Variants in ANKRD44 observed in about 807,000 individuals in gnomAD.
The protein encoded by ANKRD44 is ankyrin repeat domain 44.
In ANKRD44, 35 loss-of-function variants were observed where a neutral mutation model predicts 116.0. The observed-to-expected ratio is 0.30, with a 90% CI of 0.23 to 0.40. ANKRD44 has a LOEUF of 0.40. ANKRD44 is among the 10% of genes least tolerant of loss of function. The probability of loss-of-function intolerance (pLI) is 1.00; values close to 1 mark genes in which losing one functional copy is unlikely to be tolerated. For synonymous variants in ANKRD44, 435 were observed against 461.8 expected (o/e 0.94, Z 0.74); for missense variants, 1,014 against 1,242.6 (o/e 0.82, Z 2.77).
chr2:197,228,162 T>C (rs1308004320), intron 1 of ANKRD44, among the ~76,000 whole-genome samples: 1 of 152,206 alleles, frequency 6.6e-6, no homozygotes, highest in Non-Finnish European at 1.5e-5. Flanking sequence ...TTTGACAAGG[T>C]TGACATTAGA....
chr2:197,242,434 T>G (rs1452545567), intron 1 of ANKRD44, among the ~76,000 whole-genome samples: 2 of 152,168 alleles, frequency 1.3e-5, no homozygotes, highest in East Asian at 3.8e-4. Flanking sequence ...ACATTTCCAG[T>G]TATACCAGGT....
downstream of ANKRD44, among the ~76,000 whole-genome samples, chr2:196,983,480 C>A (rs1375880440): frequency 1.3e-5 from 2 of 152,298 alleles, no homozygotes; most frequent in Non-Finnish European, 2.9e-5. Flanking sequence ...GTTCTCTCCT[C>A]TGATCTTTGC....
chr2:196,998,438 A>G lies in ANKRD44; in HGVS notation c.2666-19T>C. On this transcript the variant is annotated intron_variant, in intron 24 of 27. Transcript: ENST00000282272. ...AAAATATCTGTAGAAAAAGCCCAAA[A>G]GAGGGTTACTTAGATGAGATGCTAA... 2 of 1,598,592 alleles carry G rather than the reference A, an allele frequency of 1.3e-6. No homozygotes were observed. Among genetic ancestry groups the G allele is most frequent in the Non-Finnish European group, 8.6e-7 (1 of 1,166,644 alleles).
chr2:196,975,546 G>A (rs925216985), intron 21 of ANKRD44, among the ~76,000 whole-genome samples: 11 of 151,938 alleles, frequency 7.2e-5, no homozygotes, highest in African/African-American at 2.7e-4. Context: ...CACTTCGGGA[G>A]GCCGAGGTAG....
chr2:197,078,695 C>A lies in ANKRD44; in HGVS notation c.1650+8G>T, dbSNP rs1559044801. The A allele has an allele frequency of 6.2e-7, 1 of 1,607,702 alleles. No individual in the cohort carries two copies. On this transcript the variant is annotated splice_region_variant and intron_variant, in intron 16 of 27. Coordinates refer to ENST00000282272, the MANE Select transcript of ANKRD44 (RefSeq NM_001195144.2). ...GTGTGTTAGAGAAAACAAAACAAAA[C>A]AACTCACCAATTCCAGACACTGCCT...
chr2:197,103,248 T>C (rs956221974), intron 9 of ANKRD44, among the ~76,000 whole-genome samples: 1 of 143,828 alleles, frequency 7.0e-6, no homozygotes, highest in African/African-American at 2.7e-5. Context: ...AAAAAAAAAA[T>C]TGGGGGAGGA....
intron 1 of ANKRD44, among the ~76,000 whole-genome samples, chr2:197,262,749 T>G (rs2082637361): frequency 6.6e-6 from 1 of 151,784 alleles, no homozygotes; most frequent in Non-Finnish European, 1.5e-5. Context: ...AATAAAAATA[T>G]TAAAAATTAG....
At chr2:197,180,039 A>G (rs2080464803) in intron 2 of ANKRD44, among the ~76,000 whole-genome samples, 1 of 152,148 alleles carries the variant, frequency 6.6e-6, no homozygotes, top group Admixed American at 6.5e-5. Flanking sequence ...GATCTGTGAA[A>G]AAACCATCAG....
intron 4 of ANKRD44, among the ~76,000 whole-genome samples, chr2:197,129,108 T>C (rs946778825): frequency 5.9e-5 from 9 of 151,944 alleles, no homozygotes; most frequent in African/African-American, 1.9e-4. Flanking sequence ...CTGTGAATCA[T>C]GCTCCTTCAA....
intron 9 of ANKRD44, among the ~76,000 whole-genome samples, chr2:197,106,458 T>C (rs2078429958): frequency 6.6e-6 from 1 of 151,202 alleles, no homozygotes; most frequent in Non-Finnish European, 1.5e-5. Flanking sequence ...AAAAGAAAGA[T>C]AATTATTGTC....
chr2:197,002,955 G>A (rs2076139004), intron 21 of ANKRD44, among the ~76,000 whole-genome samples: 1 of 152,136 alleles, frequency 6.6e-6, no homozygotes, highest in African/African-American at 2.4e-5. Flanking sequence ...TATCTAAAAA[G>A]AGAATAGGCA....
intron 1 of ANKRD44, among the ~76,000 whole-genome samples, chr2:197,265,405 C>T (rs1170443299): frequency 6.6e-6 from 1 of 151,912 alleles, no homozygotes; most frequent in Non-Finnish European, 1.5e-5. Context: ...CGTCACAGCA[C>T]CAGCTAATTT....
At chr2:197,063,787 G>A (rs1001276452) in intron 16 of ANKRD44, among the ~76,000 whole-genome samples, 1 of 152,180 alleles carries the variant, frequency 6.6e-6, no homozygotes, top group African/African-American at 2.4e-5. Context: ...AAGCCTCCAA[G>A]AAATATGGGA....
chr2:197,309,697 C>CT (rs927682672), intron 1 of ANKRD44, among the ~76,000 whole-genome samples: 7 of 152,254 alleles, frequency 4.6e-5, no homozygotes, highest in African/African-American at 1.4e-4. Flanking sequence ...AAGCCGTTTC[C>CT]TTTTTTCGTG....
Position 197,125,920 on chromosome 2 carries a change from T to C in ANKRD44, c.379A>G (p.Ile127Val). The change falls in exon 5 of 28, where the codon ATT (isoleucine) becomes GTT (valine). Residue 127 changes from isoleucine (I) to valine (V), a missense_variant. Transcript: ENST00000282272. Reference sequence around the variant, plus strand: ...ACATTGACACTGCTCAGCAGGGGAATGATCACTTCTGCACATTTGACAGCC... The same window carrying C: ...ACATTGACACTGCTCAGCAGGGGAACGATCACTTCTGCACATTTGACAGCC... ...NKAVKCAEVI[I>V]PLLSSVNVSD... is the part of the protein sequence containing the mutation. The C allele has an allele frequency of 6.2e-7, 1 of 1,614,198 alleles. No individual in the cohort carries two copies. Among genetic ancestry groups the C allele is most frequent in the South Asian group, 1.1e-5 (1 of 91,090 alleles).
intron 16 of ANKRD44, among the ~76,000 whole-genome samples, chr2:197,058,832 AT>A (rs1413481845): frequency 1.3e-5 from 2 of 152,228 alleles, no homozygotes; most frequent in Non-Finnish European, 2.9e-5. Flanking sequence ...TGACAGGCAC[AT>A]TGGAATGGTG....
In ANKRD44 at chr2:196,987,483, T is replaced by C. The variant is rs1574221029; in HGVS notation, c.*2108A>G. On this transcript the variant is annotated 3_prime_UTR_variant, in exon 28 of 28. Coordinates refer to ENST00000282272, the MANE Select transcript of ANKRD44 (RefSeq NM_001195144.2). ...GATGAGTTCTTCAACCAACACAACA[T>C]ATAAGCACACCAAGTTGCTCAACAG... is the stretch of plus-strand genomic sequence containing the variant. 1 of 985,356 alleles carries C rather than the reference T, an allele frequency of 1.0e-6. No homozygotes were observed. Among genetic ancestry groups the C allele is most frequent in the East Asian group, 1.1e-4 (1 of 8,818 alleles). 61.0% of individuals were successfully genotyped at this position (985,356 alleles called of 1,614,324 possible). A position where few individuals can be genotyped will look rare whatever the true frequency, so the allele number is the denominator to read the frequency against.
chr2:197,273,953 C>G (rs1399857910), intron 1 of ANKRD44, among the ~76,000 whole-genome samples: 1 of 62,512 alleles, frequency 1.6e-5, no homozygotes, highest in Non-Finnish European at 3.2e-5. Flanking sequence ...AGCTAGTCAA[C>G]CAACCACAAA....
chr2:196,967,373 T>C (rs2075681023), exon 22 of ANKRD44: 1 of 467,720 alleles, frequency 2.1e-6, no homozygotes, highest in Admixed American at 2.4e-5. Flanking sequence ...AAGTGCATTC[T>C]GATTCATAAT....
Sources: gnomAD v4.1 joint callset for allele counts (sites outside exome capture counted in the v4.1 genomes callset) on GRCh38, gnomAD v4.1.1 for gene constraint, MANE v1.5 for transcripts, NCBI Gene and HGNC (gene_info 2026-07-23, HGNC 2026-07-21) for gene names.